The following KLHL29 variants were observed in gnomAD, a reference collection of about 807,000 sequenced individuals.
KLHL29 encodes the protein kelch-like protein 29.
In KLHL29, 21 loss-of-function variants were observed where a neutral mutation model predicts 80.4. The observed-to-expected ratio is 0.26, with a 90% CI of 0.19 to 0.38. The LOEUF (loss-of-function observed/expected upper bound fraction) is 0.38. Ranked by LOEUF, KLHL29 falls within the 10% of genes least tolerant of loss-of-function variation. The pLI, the probability that KLHL29 is intolerant of heterozygous loss-of-function variation, is 1.00. For missense variants in KLHL29, 867 were observed against 1,223.9 expected, an observed-to-expected ratio of 0.71 and a Z score of 4.35; for synonymous variants, 511 against 526.8, an observed-to-expected ratio of 0.97 and a Z score of 0.41.
intron 1 of KLHL29, among the ~76,000 whole-genome samples, chr2:23,441,592 A>C (rs1321836583): frequency 6.6e-6 from 1 of 152,164 alleles, no homozygotes; most frequent in African/African-American, 2.4e-5. Flanking sequence ...AGGGCTCAGC[A>C]AGGATGGTTC....
chr2:23,683,293 G>A (rs1000206957), intron 5 of KLHL29, among the ~76,000 whole-genome samples: 1 of 152,240 alleles, frequency 6.6e-6, no homozygotes, highest in Non-Finnish European at 1.5e-5. Flanking sequence ...GAAATCGCCT[G>A]GCCTGAAGAC....
At position 23,682,966 on chromosome 2, in the gene KLHL29, C is replaced by G. The variant is rs187764246; in HGVS notation, c.941-1433C>G. Among the ~76,000 whole-genome samples the G allele has an allele frequency of 6.6e-6, 1 of 152,194 alleles. No individual in the cohort carries two copies. Among genetic ancestry groups the G allele is most frequent in the African/African-American group, 2.4e-5 (1 of 41,450 alleles). On this transcript the variant is annotated intron_variant, in intron 5 of 13. Coordinates refer to ENST00000486442, the MANE Select transcript of KLHL29 (RefSeq NM_052920.2). This position sits in a 1 kb window ranked among gnomAD's most constrained non-coding sequence, Gnocchi z 4.1. ...ATGCATGTGGCGTGTTCTCCAGGAG[C>G]CCCTCCCACCGTCTTCCTTGGTCTT...
intron 2 of KLHL29, among the ~76,000 whole-genome samples, chr2:23,498,455 G>A (rs927456835): frequency 6.6e-6 from 1 of 152,196 alleles, no homozygotes; most frequent in Non-Finnish European, 1.5e-5. Flanking sequence ...CTACCTGGGG[G>A]CCTCGCCCTG....
intron 2 of KLHL29, among the ~76,000 whole-genome samples, chr2:23,477,091 C>CT (rs1257101125): frequency 6.6e-6 from 1 of 152,258 alleles, no homozygotes; most frequent in African/African-American, 2.4e-5. Context: ...GGACTTGAGC[C>CT]TTTAGAAGTA....
intron 3 of KLHL29, among the ~76,000 whole-genome samples, chr2:23,612,951 A>G (rs1003109287): frequency 1.3e-5 from 2 of 152,206 alleles, no homozygotes; most frequent in African/African-American, 4.8e-5. Context: ...ATAGAGAGAA[A>G]TAAATGCAAA....
At chr2:23,487,946 T>G (rs1242658619) in intron 2 of KLHL29, among the ~76,000 whole-genome samples, 1 of 152,184 alleles carries the variant, frequency 6.6e-6, no homozygotes, top group African/African-American at 2.4e-5. Context: ...TGCTCATTCC[T>G]CAATAACCAC....
rs1670661521 is a variant in KLHL29, at chr2:23,669,844, T to G, written c.941-14555T>G. Among the ~76,000 whole-genome samples, 1 of 152,180 alleles carries G rather than the reference T, an allele frequency of 6.6e-6. No individual in the cohort carries two copies. Among genetic ancestry groups the G allele is most frequent in the South Asian group, 2.1e-4 (1 of 4,832 alleles). ...CTCTTGGGTAACTGTGTCCATTGGA[T>G]TTGTAAAAACAGGGCCGTGGTATTA... On this transcript the variant is annotated intron_variant, in intron 5 of 13. Transcript: ENST00000486442. The surrounding 1 kb of genome is among the most constrained non-coding windows in gnomAD (Gnocchi z 4.3).
intron 5 of KLHL29, chr2:23,643,171 C>T: frequency 2.0e-6 from 1 of 505,728 alleles, no homozygotes; most frequent in Non-Finnish European, 3.7e-6. Context: ...ACCCCCAAGG[C>T]CAGGCCAAGC....
chr2:23,654,699 G>T lies in KLHL29; in HGVS notation c.940+11849G>T, dbSNP rs994861929. Reference sequence around the variant, plus strand: ...TCTTCCAGAAGGGAACAGAGGTTGGGGGGGGGGGGTGGATGTTTTGTATGT... The same window carrying T: ...TCTTCCAGAAGGGAACAGAGGTTGGTGGGGGGGGGTGGATGTTTTGTATGT... On this transcript the variant is annotated intron_variant, in intron 5 of 13. Coordinates refer to ENST00000486442, the MANE Select transcript of KLHL29 (RefSeq NM_052920.2). Among the ~76,000 whole-genome samples the T allele has an allele frequency of 3.4e-4, 40 of 118,940 alleles. 2 individuals are homozygous for T. Among genetic ancestry groups the T allele is most frequent in the African/African-American group, 1.1e-3 (39 of 36,778 alleles). The allele number at this position is 118,940 out of a possible 152,430, so 78.0% of individuals were successfully genotyped here.
In KLHL29 at chr2:23,593,848, G is replaced by A. The variant is rs144720718; in HGVS notation, c.285+31367G>A. The stretch of plus-strand genomic sequence containing the variant: ...ACACATAAGAGGTGGGAGGGCCAGG[G>A]CACCCTGTGGCCAGGCGTGTCGCCT... On this transcript the variant is annotated intron_variant, in intron 3 of 13. Transcript: ENST00000486442. Among the ~76,000 whole-genome samples the A allele has an allele frequency of 3.7e-3, 556 of 152,298 alleles. 4 individuals are homozygous for A. Among genetic ancestry groups the A allele is most frequent in the African/African-American group, 0.011 (470 of 41,564 alleles).
intron 2 of KLHL29, among the ~76,000 whole-genome samples, chr2:23,512,306 A>G (rs1249808694): frequency 6.6e-6 from 1 of 152,072 alleles, no homozygotes; most frequent in East Asian, 1.9e-4. Flanking sequence ...TTAGCTGGGC[A>G]TGGTGGCATA....
At chr2:23,420,335 T>G (rs1347516956) in intron 1 of KLHL29, among the ~76,000 whole-genome samples, 2 of 152,178 alleles carry the variant, frequency 1.3e-5, no homozygotes, top group Non-Finnish European at 2.9e-5. Context: ...TCCTCCTGCC[T>G]GAAATTCTCA....
intron 2 of KLHL29, among the ~76,000 whole-genome samples, chr2:23,510,774 G>A (rs947977707): frequency 1.3e-5 from 2 of 152,182 alleles, no homozygotes; most frequent in African/African-American, 2.4e-5. Context: ...AGGCTGGGCA[G>A]GTGTAGGGCT....
intron 2 of KLHL29, among the ~76,000 whole-genome samples, chr2:23,506,559 C>G (rs893452409): frequency 1.3e-5 from 2 of 152,216 alleles, no homozygotes; most frequent in African/African-American, 4.8e-5. Context: ...TTTTTGACCA[C>G]TCTGGCCCAA....
intron 3 of KLHL29, among the ~76,000 whole-genome samples, chr2:23,612,509 T>C (rs1668894167): frequency 6.6e-6 from 1 of 152,140 alleles, no homozygotes. Flanking sequence ...CTTTAGGCCG[T>C]GGCAGGTGGA....
intron 2 of KLHL29, among the ~76,000 whole-genome samples, chr2:23,535,966 A>G (rs1196159801): frequency 1.3e-5 from 2 of 152,206 alleles, no homozygotes; most frequent in Admixed American, 1.3e-4. Context: ...AAAGAATCCC[A>G]GGCCTAAGGC....
At chr2:23,479,075 A>T (rs529340975) in intron 2 of KLHL29, among the ~76,000 whole-genome samples, 1 of 151,230 alleles carries the variant, frequency 6.6e-6, no homozygotes, top group East Asian at 2.0e-4. Context: ...TCAAGGAGGG[A>T]CCTGCAGGCA....
rs1284518209 is a variant in KLHL29, at chr2:23,654,703, G to GT, written c.940+11853_940+11854insT. Among the ~76,000 whole-genome samples, 21 of 111,754 alleles carry GT rather than the reference G, an allele frequency of 1.9e-4. 1 individual carries two copies. The highest frequency in any genetic ancestry group is 2.8e-4 in the Non-Finnish European group (14 of 49,472). 73.3% of individuals were successfully genotyped at this position (111,754 alleles called of 152,430 possible). A position where few individuals can be genotyped will look rare whatever the true frequency, so the allele number is the denominator to read the frequency against. On this transcript the variant is annotated intron_variant, in intron 5 of 13. Coordinates refer to ENST00000486442, the MANE Select transcript of KLHL29 (RefSeq NM_052920.2). ...CCAGAAGGGAACAGAGGTTGGGGGGGGGGGGTGGATGTTTTGTATGTGCCT... is the reference window on the plus strand; with the variant it reads ...CCAGAAGGGAACAGAGGTTGGGGGGGTGGGGGTGGATGTTTTGTATGTGCCT...
intron 3 of KLHL29, among the ~76,000 whole-genome samples, chr2:23,637,870 C>T (rs1170084242): frequency 6.6e-6 from 1 of 152,010 alleles, no homozygotes; most frequent in Non-Finnish European, 1.5e-5. Context: ...CCCGGAGGCT[C>T]CTGTGTGCTT....
Sources: gnomAD v4.1 joint callset for allele counts (sites outside exome capture counted in the v4.1 genomes callset) on GRCh38, gnomAD v4.1.1 for gene constraint, Gnocchi (gnomAD v3.1) non-coding constraint, MANE v1.5 for transcripts, NCBI Gene and HGNC (gene_info 2026-07-23, HGNC 2026-07-21) for gene names.